The following FBXW7 variants were observed in gnomAD, a reference collection of about 807,000 sequenced individuals.
FBXW7 encodes F-box and WD repeat domain containing 7.
A neutral mutation model predicts 86.3 loss-of-function variants in FBXW7; 11 were observed. That is an observed-to-expected ratio of 0.13 (90% confidence interval 0.08 to 0.21). FBXW7 has a LOEUF of 0.21. FBXW7 is among the 10% of genes least tolerant of loss of function. FBXW7 has a pLI of 1.00. For missense variants in FBXW7, 488 were observed against 847.4 expected (o/e 0.58, Z 5.27); for synonymous variants, 313 against 297.9 (o/e 1.05, Z -0.52).
In FBXW7 at chr4:152,378,103, C is replaced by T. The variant is rs754812089; in HGVS notation, c.502-27979G>A. Among the ~76,000 whole-genome samples, 25 of 152,122 alleles carry T rather than the reference C, an allele frequency of 1.6e-4. 1 individual carries two copies. Among genetic ancestry groups the T allele is most frequent in the Non-Finnish European group, 1.3e-4 (9 of 68,038 alleles). On this transcript the variant is annotated intron_variant, in intron 4 of 13. Coordinates refer to ENST00000281708, the MANE Select transcript of FBXW7 (RefSeq NM_001349798.2). ...CTGAGTGCAACAGAGGCCAACTACA[C>T]GGTCCACAAAGCCTAAAATATTTAC...
chr4:152,422,596 TA>T (rs1235220251), intron 2 of FBXW7, among the ~76,000 whole-genome samples: 1 of 152,166 alleles, frequency 6.6e-6, no homozygotes, highest in Non-Finnish European at 1.5e-5. Context: ...TAATCTTTTT[TA>T]AAAAACTACT....
chr4:152,486,223 T>C (rs997114434), intron 2 of FBXW7, among the ~76,000 whole-genome samples: 5 of 152,180 alleles, frequency 3.3e-5, no homozygotes, highest in Non-Finnish European at 7.4e-5. Flanking sequence ...AGAGTGAATG[T>C]GAAGGCCTAG....
intron 2 of FBXW7, among the ~76,000 whole-genome samples, chr4:152,432,668 C>T (rs1010582350): frequency 3.3e-5 from 5 of 151,964 alleles, no homozygotes; most frequent in Non-Finnish European, 5.9e-5. Flanking sequence ...AAAAATTAGC[C>T]GGGTATGGCG....
At chr4:152,425,062 T>G (rs1268662995) in intron 2 of FBXW7, among the ~76,000 whole-genome samples, 1 of 152,346 alleles carries the variant, frequency 6.6e-6, no homozygotes, top group African/African-American at 2.4e-5. Context: ...TTACTGCCAG[T>G]CAATGACTAA....
rs879163726 is a variant in FBXW7, at chr4:152,352,823, G to C, written c.502-2699C>G. The stretch of plus-strand genomic sequence containing the variant: ...GGAGACTATGCCCTGTCAAAGCCTT[G>C]ACTGAACAGATTCCTCCCTCAGCAG... On this transcript the variant is annotated intron_variant, in intron 4 of 13. Coordinates refer to ENST00000281708, the MANE Select transcript of FBXW7 (RefSeq NM_001349798.2). 1.2e-5 allele frequency: 19 copies of C among 1,545,642 alleles called. No homozygotes were observed. The South Asian group carries it at 2.2e-4, about 18-fold the overall frequency.
chr4:152,329,251 C>G lies in FBXW7; in HGVS notation c.1236+421G>C, dbSNP rs191078407. On this transcript the variant is annotated intron_variant, in intron 10 of 13. Transcript: ENST00000281708. ...ATAAATTAACATGATTTATTAAGTT[C>G]TAAACTACAGGTAGGTTATCAACAA... Among the ~76,000 whole-genome samples the G allele has an allele frequency of 2.8e-4, 42 of 151,754 alleles. No individual in the cohort carries two copies. In the East Asian group the frequency reaches 7.2e-3, roughly 26 times the overall value.
At chr4:152,342,746 G>A (rs1167609663) in intron 6 of FBXW7, among the ~76,000 whole-genome samples, 1 of 152,134 alleles carries the variant, frequency 6.6e-6, no homozygotes, top group East Asian at 1.9e-4. Flanking sequence ...TTAACTTAAT[G>A]CCAAAATCTG....
At chr4:152,442,326 G>A (rs1310285680) in intron 2 of FBXW7, among the ~76,000 whole-genome samples, 1 of 152,154 alleles carries the variant, frequency 6.6e-6, no homozygotes, top group Non-Finnish European at 1.5e-5. Context: ...TAAATTCCTA[G>A]GCTGGTAGCA....
chr4:152,509,811 C>T (rs906764513), intron 2 of FBXW7, among the ~76,000 whole-genome samples: 4 of 152,152 alleles, frequency 2.6e-5, no homozygotes, highest in Non-Finnish European at 5.9e-5. Context: ...GGTTGTCCTA[C>T]TGACACATAC....
At chr4:152,324,741 T>G in intron 12 of FBXW7, 6 of 213,326 alleles carry the variant, frequency 2.8e-5, no homozygotes, top group Non-Finnish European at 1.9e-5. Context: ...ACTGAGAGAA[T>G]TGCTATGAGT....
At chr4:152,507,312 C>T (rs2149709018) in intron 2 of FBXW7, among the ~76,000 whole-genome samples, 1 of 152,234 alleles carries the variant, frequency 6.6e-6, no homozygotes, top group East Asian at 1.9e-4. Context: ...GAAATGTAAA[C>T]ATTCCTATAT....
intron 2 of FBXW7, among the ~76,000 whole-genome samples, chr4:152,482,702 G>C (rs898691183): frequency 1.3e-5 from 2 of 152,046 alleles, no homozygotes; most frequent in African/African-American, 4.8e-5. Flanking sequence ...TGGGGGGAGA[G>C]ATATTTCTTT....
At chr4:152,455,526 T>A (rs985170507) in intron 2 of FBXW7, among the ~76,000 whole-genome samples, 6 of 152,236 alleles carry the variant, frequency 3.9e-5, no homozygotes, top group Non-Finnish European at 7.3e-5. Flanking sequence ...TTAACATCTG[T>A]ATTTCTACCA....
rs2126875899 is a variant in FBXW7, at chr4:152,411,286, A to T, written c.501+17T>A. The T allele has an allele frequency of 6.4e-7, 1 of 1,563,936 alleles. No individual in the cohort carries two copies. Among genetic ancestry groups the T allele is most frequent in the Non-Finnish European group, 8.7e-7 (1 of 1,153,260 alleles). On this transcript the variant is annotated intron_variant, in intron 4 of 13. Coordinates refer to ENST00000281708, the MANE Select transcript of FBXW7 (RefSeq NM_001349798.2). Reference sequence around the variant, plus strand: ...ATGTAAAGTTTCTCAGGTTAACAATATATTGAATATACTCACTTTTGTTGT... The same window carrying T: ...ATGTAAAGTTTCTCAGGTTAACAATTTATTGAATATACTCACTTTTGTTGT...
At chr4:152,356,041 C>T (rs76488983) in intron 4 of FBXW7, among the ~76,000 whole-genome samples, 2,080 of 152,274 alleles carry the variant, frequency 0.014, 25 homozygotes, top group Middle Eastern at 0.037. Context: ...CTTATCTTTA[C>T]ATATAATGTC....
chr4:152,341,916 T>C (rs1199395455), intron 6 of FBXW7, among the ~76,000 whole-genome samples: 2 of 152,142 alleles, frequency 1.3e-5, no homozygotes, highest in Non-Finnish European at 2.9e-5. Flanking sequence ...GGAAATAATT[T>C]TAGGAGATAC....
chr4:152,521,918 A>C (rs1749057944), intron 2 of FBXW7, among the ~76,000 whole-genome samples: 1 of 144,882 alleles, frequency 6.9e-6, no homozygotes. Flanking sequence ...TCCCTGGTTC[A>C]AGCGATTCTC....
At chr4:152,526,132 T>C (rs1749488675) in intron 2 of FBXW7, among the ~76,000 whole-genome samples, 1 of 152,242 alleles carries the variant, frequency 6.6e-6, no homozygotes, top group South Asian at 2.1e-4. Flanking sequence ...TTGTCCACTT[T>C]TTAATGGGGT....
intron 4 of FBXW7, among the ~76,000 whole-genome samples, chr4:152,408,096 A>G (rs1302092228): frequency 6.6e-6 from 1 of 152,232 alleles, no homozygotes; most frequent in Admixed American, 6.5e-5. Flanking sequence ...AAGATGGGAA[A>G]AAAATAGACT....
Sources: allele counts gnomAD v4.1 joint callset (sites outside exome capture counted in the v4.1 genomes callset), GRCh38; gene constraint gnomAD v4.1.1; transcripts MANE v1.5; gene names NCBI Gene and HGNC (gene_info 2026-07-23, HGNC 2026-07-21).